The following TMEM254 variants were observed in gnomAD, a reference collection of about 807,000 sequenced individuals.
TMEM254 encodes transmembrane protein C10orf57.
Under a neutral mutation model 13.9 loss-of-function variants are expected in TMEM254, and 16 were observed. That is an observed-to-expected ratio of 1.15 (90% CI 0.78 to 1.75). The LOEUF is 1.75. Ranked by LOEUF, TMEM254 falls within the 40% of genes most tolerant of loss-of-function variation. TMEM254 has a pLI of 0.00. For synonymous variants in TMEM254, 61 were observed against 56.4 expected (o/e 1.08, Z -0.36); for missense variants, 155 against 149.0 (o/e 1.04, Z -0.21).
At chr10:80,087,735 T>G (rs1056694041) in intron 3 of TMEM254, among the ~76,000 whole-genome samples, 4 of 152,200 alleles carry the variant, frequency 2.6e-5, no homozygotes, top group African/African-American at 9.7e-5. Flanking sequence ...TTTATTCTTC[T>G]AACATAAATA....
rs779289638 is a variant in TMEM254 at position 80,079,605 on chromosome 10, A to T, written c.87+819A>T. ...CTGTTCTGACATAGGTGTGGAAGCA[A>T]GAAGAAAGCTGTACCTAGAAAAAGA... On this transcript the variant is annotated intron_variant, in intron 1 of 3. Transcript: ENST00000372281. The T allele has an allele frequency of 1.1e-4, 113 of 987,452 alleles. No homozygotes were observed. The African/African-American group carries it at 1.8e-3, about 16-fold the overall frequency. The allele number at this position is 987,452 out of a possible 1,614,324, so 61.2% of individuals were successfully genotyped here.
intron 3 of TMEM254, among the ~76,000 whole-genome samples, chr10:80,089,042 A>G (rs1844452271): frequency 1.3e-5 from 2 of 151,948 alleles, no homozygotes; most frequent in Non-Finnish European, 2.9e-5. Context: ...AATATAGTCA[A>G]TTTTTTATAT....
intron 3 of TMEM254, 102 bp downstream of exon 3, chr10:80,082,306 T>G: frequency 2.9e-6 from 4 of 1,386,276 alleles, no homozygotes; most frequent in Non-Finnish European, 4.1e-6. Flanking sequence ...GCTGAGAATA[T>G]TCTCAGGGTA....
intron 3 of TMEM254, chr10:80,090,336 T>G (rs1417496679): frequency 2.8e-6 from 2 of 716,840 alleles, no homozygotes; most frequent in East Asian, 5.4e-5. Context: ...ATAAATCATC[T>G]CAACTGACTC....
intron 1 of TMEM254, among the ~76,000 whole-genome samples, chr10:80,080,081 A>G (rs922986082): frequency 1.3e-5 from 2 of 152,194 alleles, no homozygotes. Flanking sequence ...GGAGGTGTTG[A>G]ACTGAAAATT....
In TMEM254 at chr10:80,091,911, T is replaced by C. The variant is rs1844587137; in HGVS notation, c.*994T>C. 2 of 152,250 alleles carry C rather than the reference T, an allele frequency of 1.3e-5. No individual in the cohort carries two copies. Among genetic ancestry groups the C allele is most frequent in the South Asian group, 2.1e-4 (1 of 4,826 alleles). The allele number at this position is 152,250 out of a possible 1,614,324, so 9.4% of individuals were successfully genotyped here. On this transcript the variant is annotated 3_prime_UTR_variant, in exon 4 of 4. Transcript: ENST00000372281. ...TGGTTTCGTTGGTGAGAAACCTTTA[T>C]CTTTTTCATACCTTTCTATTCTCAA...
chr10:80,079,191 CGTGGG>C (rs1843821692), intron 1 of TMEM254: 1 of 395,162 alleles, frequency 2.5e-6, no homozygotes, highest in Non-Finnish European at 4.8e-6. Context: ...CGCGGTGAGG[CGTGGG>C]GTGGGGCGGG....
At chr10:80,088,767 C>T (rs1462571297) in intron 3 of TMEM254, among the ~76,000 whole-genome samples, 1 of 118,362 alleles carries the variant, frequency 8.4e-6, no homozygotes, top group South Asian at 2.8e-4. Context: ...GACTCCGTCT[C>T]AAAAAAAAAA....
intron 3 of TMEM254, chr10:80,090,505 T>A (rs903358200): frequency 1.4e-6 from 1 of 711,400 alleles, no homozygotes; most frequent in African/African-American, 1.8e-5. Flanking sequence ...CAGTGCTTTT[T>A]ACTCCATCCG....
At chr10:80,084,484 G>A (rs1844213884) in intron 3 of TMEM254, among the ~76,000 whole-genome samples, 1 of 152,206 alleles carries the variant, frequency 6.6e-6, no homozygotes, top group Admixed American at 6.5e-5. Flanking sequence ...AGTGCATGCA[G>A]TTATCAGTGT....
At position 80,079,147 on chromosome 10, in the gene TMEM254, C is replaced by T. The variant is rs143691303; in HGVS notation, c.87+361C>T. ...TATTTCCGTCCAGCAAGACCCTTGC[C>T]CTCTCTGGTCACAGTCCTGGGGCTG... On this transcript the variant is annotated intron_variant, in intron 1 of 3. Coordinates refer to ENST00000372281, the MANE Select transcript of TMEM254 (RefSeq NM_025125.4). 33 of 1,322,372 alleles carry T rather than the reference C, an allele frequency of 2.5e-5. No individual in the cohort carries two copies. In the African/African-American group the frequency reaches 4.8e-4, roughly 19 times the overall value. The allele number at this position is 1,322,372 out of a possible 1,614,324, so 81.9% of individuals were successfully genotyped here.
chr10:80,081,953 A>G lies in TMEM254; in HGVS notation c.191+9A>G. 6.2e-7 allele frequency: 1 copy of G among 1,611,546 alleles called. No individual in the cohort carries two copies. Among genetic ancestry groups the G allele is most frequent in the Non-Finnish European group, 8.5e-7 (1 of 1,177,910 alleles). The stretch of plus-strand genomic sequence containing the variant: ...ACCCTCCTGTGCAATGGGTAAGGAG[A>G]GCTGCACAAGTGGACTGTGGACACT... On this transcript the variant is annotated intron_variant, in intron 2 of 3. Coordinates refer to ENST00000372281, the MANE Select transcript of TMEM254 (RefSeq NM_025125.4).
chr10:80,080,977 G>A (rs1337650214), intron 1 of TMEM254, among the ~76,000 whole-genome samples: 1 of 152,246 alleles, frequency 6.6e-6, no homozygotes, highest in Non-Finnish European at 1.5e-5. Context: ...CTACTCTGGA[G>A]GCTGAGACAG....
chr10:80,082,118 A>C, intron 2 of TMEM254, 27 bp from the exon 3 acceptor site: 2 of 1,613,868 alleles, frequency 1.2e-6, no homozygotes, highest in Non-Finnish European at 1.7e-6. Flanking sequence ...TCACCTTAAA[A>C]AAGATTAACC....
In TMEM254 at chr10:80,082,214, T is replaced by C. The variant is rs1441493455; in HGVS notation, c.251+10T>C. On this transcript the variant is annotated intron_variant, in intron 3 of 3. Transcript: ENST00000372281. ...CCATAGTATTGTGCAAGTAAGTCTTTGAAGTAGGTGTTTGTTGCCTTTCTC... is the reference window on the plus strand; with the variant it reads ...CCATAGTATTGTGCAAGTAAGTCTTCGAAGTAGGTGTTTGTTGCCTTTCTC... 6.2e-7 allele frequency: 1 copy of C among 1,614,118 alleles called. No homozygotes were observed. The highest frequency in any genetic ancestry group is 8.5e-7 in the Non-Finnish European group (1 of 1,180,004).
rs1395566521 is a variant in TMEM254 at position 80,092,474 on chromosome 10, A to C, written c.*1557A>C. ...TCCTCAAAGAGAAATAATAACAGTA[A>C]TAGTGGTGCTGGGAACAATATGGCA... On this transcript the variant is annotated 3_prime_UTR_variant, in exon 4 of 4. Coordinates refer to ENST00000372281, the MANE Select transcript of TMEM254 (RefSeq NM_025125.4). 2 of 152,238 alleles carry C rather than the reference A, an allele frequency of 1.3e-5. No homozygotes were observed. The highest frequency in any genetic ancestry group is 4.8e-5 in the African/African-American group (2 of 41,460). 9.4% of individuals were successfully genotyped at this position (152,238 alleles called of 1,614,324 possible). A position where few individuals can be genotyped will look rare whatever the true frequency, so the allele number is the denominator to read the frequency against.
Position 80,081,892 on chromosome 10 carries a change from G to T in TMEM254, c.139G>T (p.Gly47Cys), listed in dbSNP as rs781511089. The change falls in exon 2 of 4, where the codon GGC (glycine) becomes TGC (cysteine). Residue 47 changes from glycine (G) to cysteine (C), a missense_variant. Transcript: ENST00000372281. ...SIPYQNLGPL[G>C]PFTQYLVDHH... is the part of the protein sequence containing the mutation. ...CCCTTATCAGAACCTTGGGCCCCTG[G>T]GCCCCTTCACTCAGTACTTGGTGGA... 45 of 1,613,998 alleles carry T rather than the reference G, an allele frequency of 2.8e-5. No homozygotes were observed. Among genetic ancestry groups the T allele is most frequent in the Non-Finnish European group, 3.7e-5 (44 of 1,180,036 alleles).
intron 1 of TMEM254, chr10:80,079,322 G>A (rs1305750503): frequency 4.2e-6 from 5 of 1,198,414 alleles, no homozygotes; most frequent in Non-Finnish European, 5.3e-6. Flanking sequence ...GCGGAAATTC[G>A]GTGGGCTCTT....
chr10:80,084,429 C>T (rs984157087), intron 3 of TMEM254, among the ~76,000 whole-genome samples: 1 of 152,180 alleles, frequency 6.6e-6, no homozygotes, highest in African/African-American at 2.4e-5. Context: ...ATCTGTATGG[C>T]TCACAGTAAA....
Sources: gnomAD v4.1 joint callset for allele counts (sites outside exome capture counted in the v4.1 genomes callset) on GRCh38, gnomAD v4.1.1 for gene constraint, MANE v1.5 for transcripts, NCBI Gene and HGNC (gene_info 2026-07-23, HGNC 2026-07-21) for gene names.